The following RUNX1 variants were observed in gnomAD, a reference collection of about 807,000 sequenced individuals.
RUNX1 encodes runt-related transcription factor 1.
Under a neutral mutation model 42.8 loss-of-function variants are expected in RUNX1, and 19 were observed. That is an observed-to-expected ratio of 0.44 (90% CI 0.31 to 0.65). The LOEUF (loss-of-function observed/expected upper bound fraction) is 0.65, where lower values mean the gene tolerates loss of function less well. Ranked by LOEUF, RUNX1 falls within the 30% of genes least tolerant of loss-of-function variation. RUNX1 has a pLI of 0.07. For synonymous variants in RUNX1, 271 were observed against 289.4 expected (o/e 0.94, Z 0.64); for missense variants, 528 against 672.0 (o/e 0.79, Z 2.37).
At chr21:34,864,767 C>T (rs1482223767) in intron 5 of RUNX1, among the ~76,000 whole-genome samples, 1 of 152,070 alleles carries the variant, frequency 6.6e-6, no homozygotes, top group Non-Finnish European at 1.5e-5. Flanking sequence ...CCAGGAGGAC[C>T]ATTAGAAGAC....
intron 7 of RUNX1, among the ~76,000 whole-genome samples, chr21:34,816,397 C>T (rs1033415438): frequency 2.7e-5 from 4 of 150,192 alleles, no homozygotes; most frequent in South Asian, 2.1e-4. Context: ...GGTGGGGGCA[C>T]GCTCAGGGTT....
intron 2 of RUNX1, among the ~76,000 whole-genome samples, chr21:34,973,770 T>C (rs1338341227): frequency 6.6e-6 from 1 of 152,204 alleles, no homozygotes; most frequent in Non-Finnish European, 1.5e-5. Context: ...ACTGTTAGCT[T>C]CTAAGGAACA....
intron 7 of RUNX1, among the ~76,000 whole-genome samples, chr21:34,832,694 C>G (rs958726081): frequency 2.0e-5 from 3 of 152,162 alleles, no homozygotes; most frequent in Admixed American, 1.3e-4. Flanking sequence ...GCCCCAAGCC[C>G]ATCTCGCTCA....
chr21:34,833,948 C>A, intron 7 of RUNX1: 1 of 319,074 alleles, frequency 3.1e-6, no homozygotes, highest in East Asian at 7.6e-5. Flanking sequence ...TAAAAAAACA[C>A]TAGATACAAA....
intron 2 of RUNX1, among the ~76,000 whole-genome samples, chr21:34,978,937 T>TACACACACAC (rs10673190): frequency 0.087 from 11,617 of 134,002 alleles, 674 homozygotes; most frequent in South Asian, 0.13. Flanking sequence ...CACACACAGA[T>TACACACACAC]ACACACACAC....
At chr21:34,869,512 G>A (rs1422211032) in intron 5 of RUNX1, among the ~76,000 whole-genome samples, 4 of 152,132 alleles carry the variant, frequency 2.6e-5, no homozygotes, top group Admixed American at 6.5e-5. Context: ...CAATGGGTTC[G>A]GTGTAATCTA....
At chr21:35,038,572 CCTCTCTCTCTCTCT>C (rs59976658) in intron 2 of RUNX1, 8,762 of 312,608 alleles carry the variant, frequency 0.028, 3 homozygotes, top group Non-Finnish European at 0.037. Context: ...TGAATGCTGG[CCTCTCTCTCTCTCT>C]CTCTCTCTCT....
intron 2 of RUNX1, among the ~76,000 whole-genome samples, chr21:34,965,142 C>T (rs1466627073): frequency 6.6e-6 from 1 of 151,646 alleles, no homozygotes; most frequent in Non-Finnish European, 1.5e-5. Flanking sequence ...CACAAGTGCA[C>T]AGTCCCCCAC....
intron 2 of RUNX1, among the ~76,000 whole-genome samples, chr21:34,897,832 G>C (rs1055218348): frequency 2.0e-5 from 3 of 152,178 alleles, no homozygotes; most frequent in Non-Finnish European, 4.4e-5. Context: ...CTGGGAATAT[G>C]ATGAGTTGTC....
chr21:34,890,430 T>C (rs116009150), intron 3 of RUNX1, among the ~76,000 whole-genome samples: 3,290 of 152,238 alleles, frequency 0.022, 107 homozygotes, highest in African/African-American at 0.076. Flanking sequence ...GCCGGCCAGG[T>C]GGGGACTCTC....
At chr21:35,038,613 C>CTCTG (rs1555835794) in intron 2 of RUNX1, 108 of 286,432 alleles carry the variant, frequency 3.8e-4, no homozygotes, top group East Asian at 3.2e-3. Flanking sequence ...CTCTCTCTCT[C>CTCTG]TGTGTGTGTG....
intron 2 of RUNX1, among the ~76,000 whole-genome samples, chr21:34,905,630 C>T (rs567977891): frequency 1.3e-5 from 2 of 152,230 alleles, no homozygotes; most frequent in Admixed American, 1.3e-4. Flanking sequence ...TTAAAGTGTT[C>T]TAGAATGCTT....
At chr21:34,994,558 AGTGCAGTG>A (rs2058978710) in intron 2 of RUNX1, among the ~76,000 whole-genome samples, 1 of 152,114 alleles carries the variant, frequency 6.6e-6, no homozygotes, top group Non-Finnish European at 1.5e-5. Flanking sequence ...TGTGCATAGG[AGTGCAGTG>A]GTGTGATCAC....
intron 6 of RUNX1, among the ~76,000 whole-genome samples, chr21:34,858,660 C>T (rs1362675367): frequency 1.3e-5 from 2 of 152,112 alleles, no homozygotes; most frequent in Non-Finnish European, 2.9e-5. Flanking sequence ...ATTAATTTTC[C>T]ACCAGGGACC....
At chr21:34,873,747 C>G (rs1459596619) in intron 5 of RUNX1, among the ~76,000 whole-genome samples, 2 of 152,190 alleles carry the variant, frequency 1.3e-5, no homozygotes, top group Non-Finnish European at 1.5e-5. Flanking sequence ...TACTGGAATC[C>G]CAAATCAGTG....
chr21:35,048,344 G>T (rs990191665), intron 2 of RUNX1, among the ~76,000 whole-genome samples: 1 of 152,196 alleles, frequency 6.6e-6, no homozygotes, highest in Non-Finnish European at 1.5e-5. Flanking sequence ...CTGGTGCAAG[G>T]CTATCTGAGA....
chr21:34,897,888 T>C (rs1001038037), intron 2 of RUNX1, among the ~76,000 whole-genome samples: 3 of 152,202 alleles, frequency 2.0e-5, no homozygotes, highest in Non-Finnish European at 4.4e-5. Context: ...TTTTTTTGCA[T>C]ATGTAATTAA....
intron 2 of RUNX1, among the ~76,000 whole-genome samples, chr21:34,953,047 G>A (rs1038217279): frequency 1.1e-4 from 17 of 152,046 alleles, no homozygotes; most frequent in African/African-American, 3.6e-4. Flanking sequence ...AAATCTGACA[G>A]GCACAAAGCA....
chr21:34,880,507 GT>G (rs750689814), intron 5 of RUNX1, 49 bp downstream of exon 5: 1 of 1,589,846 alleles, frequency 6.3e-7, no homozygotes. Context: ...TGAAATGTGG[GT>G]TTGTTGCCAT....
Sources: gnomAD v4.1 joint callset for allele counts (sites outside exome capture counted in the v4.1 genomes callset) on GRCh38, gnomAD v4.1.1 for gene constraint, MANE v1.5 for transcripts, NCBI Gene and HGNC (gene_info 2026-07-23, HGNC 2026-07-21) for gene names.